Variants in KCNIP4 observed in about 807,000 individuals in gnomAD.
KCNIP4 encodes the protein Kv channel-interacting protein 4.
Under a neutral mutation model 34.0 loss-of-function variants are expected in KCNIP4, and 12 were observed. The observed-to-expected ratio is 0.35, with a 90% CI of 0.23 to 0.57. The LOEUF is 0.57. Among genes scored for constraint, KCNIP4 ranks in the 20% least tolerant of loss-of-function variants. The pLI is 0.83. For missense variants in KCNIP4, 238 were observed against 311.7 expected (o/e 0.76, Z 1.78); for synonymous variants, 124 against 102.2 (o/e 1.21, Z -1.29).
chr4:21,650,316 T>C (rs1171072247), intron 1 of KCNIP4, among the ~76,000 whole-genome samples: 2 of 152,242 alleles, frequency 1.3e-5, no homozygotes, highest in African/African-American at 4.8e-5. Flanking sequence ...GTATATCATA[T>C]GGTGTTTGTT....
intron 1 of KCNIP4, among the ~76,000 whole-genome samples, chr4:21,633,082 A>G (rs1349864448): frequency 6.6e-6 from 1 of 152,152 alleles, no homozygotes; most frequent in Non-Finnish European, 1.5e-5. Context: ...ATTTATACCT[A>G]TCTACTCTTT....
chr4:21,237,097 A>T (rs1759424331), intron 1 of KCNIP4, among the ~76,000 whole-genome samples: 1 of 152,182 alleles, frequency 6.6e-6, no homozygotes, highest in East Asian at 1.9e-4. Flanking sequence ...ATAAAACCAC[A>T]GAAATGAACA....
At chr4:20,953,733 G>A (rs1274025834) in intron 1 of KCNIP4, among the ~76,000 whole-genome samples, 1 of 152,160 alleles carries the variant, frequency 6.6e-6, no homozygotes, top group East Asian at 1.9e-4. Flanking sequence ...AATGAATGCT[G>A]TTAGTAAGGG....
At chr4:21,049,149 A>G (rs1280077458) in intron 1 of KCNIP4, among the ~76,000 whole-genome samples, 1 of 150,706 alleles carries the variant, frequency 6.6e-6, no homozygotes, top group African/African-American at 2.4e-5. Context: ...ACGGGGTTTC[A>G]CCGTGTTAGC....
chr4:21,699,386 A>G (rs1051883263), intron 1 of KCNIP4, among the ~76,000 whole-genome samples: 6 of 152,212 alleles, frequency 3.9e-5, no homozygotes, highest in Admixed American at 2.6e-4. Flanking sequence ...ACACCTAAAC[A>G]AAGAAAACAT....
chr4:21,714,793 TA>T (rs1266632120), intron 1 of KCNIP4, among the ~76,000 whole-genome samples: 68 of 1,040 alleles, frequency 0.065, 1 homozygote, highest in East Asian at 0.25. Flanking sequence ...TTGATTATTT[TA>T]TTTTATTTTA....
At chr4:20,980,548 T>G (rs1035837242) in intron 1 of KCNIP4, among the ~76,000 whole-genome samples, 2 of 152,218 alleles carry the variant, frequency 1.3e-5, no homozygotes, top group African/African-American at 4.8e-5. Context: ...CCCTTTTCTA[T>G]CTGTGTCTAA....
chr4:21,651,963 A>C (rs964143059), intron 1 of KCNIP4, among the ~76,000 whole-genome samples: 3 of 152,226 alleles, frequency 2.0e-5, no homozygotes, highest in African/African-American at 7.2e-5. Context: ...TATAATACAA[A>C]GTCATTATTA....
At chr4:21,475,397 T>G (rs560137350) in intron 1 of KCNIP4, among the ~76,000 whole-genome samples, 1 of 152,266 alleles carries the variant, frequency 6.6e-6, no homozygotes, top group Non-Finnish European at 1.5e-5. Flanking sequence ...CACAGCTCAT[T>G]CCACATGGAA....
intron 1 of KCNIP4, among the ~76,000 whole-genome samples, chr4:21,408,393 T>C (rs1017402269): frequency 9.9e-5 from 15 of 152,052 alleles, no homozygotes; most frequent in Non-Finnish European, 1.9e-4. Flanking sequence ...ACGTAAATTA[T>C]AAAGATTCTG....
At chr4:21,768,224 T>C (rs1331150466) in intron 1 of KCNIP4, among the ~76,000 whole-genome samples, 1 of 152,100 alleles carries the variant, frequency 6.6e-6, no homozygotes, top group African/African-American at 2.4e-5. Context: ...GGATACAGTA[T>C]GCATCTTAAC....
chr4:21,409,679 T>A (rs1358860967), intron 1 of KCNIP4, among the ~76,000 whole-genome samples: 2 of 152,198 alleles, frequency 1.3e-5, no homozygotes, highest in East Asian at 3.8e-4. Context: ...GTTTAATGAG[T>A]GCTTGCTATA....
intron 1 of KCNIP4, among the ~76,000 whole-genome samples, chr4:21,074,061 G>A (rs1348040750): frequency 6.6e-6 from 1 of 152,094 alleles, no homozygotes; most frequent in East Asian, 1.9e-4. Context: ...GAGGATTTTT[G>A]CATCAGTGTT....
intron 1 of KCNIP4, among the ~76,000 whole-genome samples, chr4:21,304,298 G>A (rs550419380): frequency 1.3e-5 from 2 of 152,290 alleles, no homozygotes; most frequent in Middle Eastern, 6.8e-3. Flanking sequence ...CTTGCACAGA[G>A]AGACAGCCAC....
chr4:21,805,641 C>T (rs1387719437), intron 1 of KCNIP4, among the ~76,000 whole-genome samples: 1 of 152,156 alleles, frequency 6.6e-6, no homozygotes, highest in African/African-American at 2.4e-5. Context: ...AAATATCCTG[C>T]AGTCTCACTC....
rs192712121 is a variant in KCNIP4, at chr4:21,605,639, C to T, written c.61+342932G>A. Among the ~76,000 whole-genome samples the T allele has an allele frequency of 2.8e-3, 431 of 152,092 alleles. 3 individuals are homozygous for T. Among genetic ancestry groups the T allele is most frequent in the African/African-American group, 9.9e-3 (411 of 41,490 alleles). On this transcript the variant is annotated intron_variant, in intron 1 of 8. Coordinates refer to ENST00000382152, the MANE Select transcript of KCNIP4 (RefSeq NM_025221.6). ...GGTACTACAGGTGCCCGCCACCACA[C>T]CCAGCTAATTTTTGTATTTTTAGTA...
chr4:21,871,020 A>C (rs1725761835), intron 1 of KCNIP4, among the ~76,000 whole-genome samples: 2 of 152,168 alleles, frequency 1.3e-5, no homozygotes, highest in Admixed American at 6.5e-5. Context: ...TGTGGTTGAC[A>C]AAAATTCTCT....
intron 1 of KCNIP4, among the ~76,000 whole-genome samples, chr4:21,898,226 C>A (rs1222995223): frequency 2.6e-5 from 4 of 152,134 alleles, no homozygotes; most frequent in Non-Finnish European, 5.9e-5. Context: ...AGCTGCAATT[C>A]CTGGGCAAGT....
chr4:21,062,450 C>A (rs1182031216), intron 1 of KCNIP4, among the ~76,000 whole-genome samples: 1 of 151,912 alleles, frequency 6.6e-6, no homozygotes, highest in East Asian at 1.9e-4. Context: ...GATTAGGAGG[C>A]CAACCTAACC....
Sources: gnomAD v4.1 joint callset for allele counts (sites outside exome capture counted in the v4.1 genomes callset) on GRCh38, gnomAD v4.1.1 for gene constraint, MANE v1.5 for transcripts, NCBI Gene and HGNC (gene_info 2026-07-23, HGNC 2026-07-21) for gene names.